UNC5A: variants seen among roughly 807,000 people sequenced by gnomAD.
UNC5A encodes unc-5 netrin receptor A.
UNC5A carries 20 observed loss-of-function variants against 87.4 expected under a neutral mutation model. That is an observed-to-expected ratio of 0.23 (90% confidence interval 0.16 to 0.33). UNC5A has a LOEUF of 0.33. UNC5A is among the 10% of genes least tolerant of loss of function. The pLI, the probability that UNC5A is intolerant of heterozygous loss-of-function variation, is 1.00. For missense variants in UNC5A, 844 were observed against 1,133.4 expected (o/e 0.74, Z 3.67); for synonymous variants, 438 against 482.3 (o/e 0.91, Z 1.20).
At position 176,844,075 on chromosome 5, in the gene UNC5A, C is replaced by G. The variant is rs690781; in HGVS notation, c.71-18549C>G. On this transcript the variant is annotated intron_variant, in intron 1 of 14. Transcript: ENST00000329542. The surrounding 1 kb of genome is among the most constrained non-coding windows in gnomAD (Gnocchi z 4.2). The stretch of plus-strand genomic sequence containing the variant: ...GACAGGAGGCAGGGGACGGGGAGGA[C>G]GAGGAGGAGGGGCCCTGAGACATGG... 0.17 allele frequency among the ~76,000 whole-genome samples: 26,537 copies of G among 152,086 alleles called. 6,246 individuals carry two copies. Among genetic ancestry groups the G allele is most frequent in the African/African-American group, 0.54 (22,444 of 41,444 alleles).
intron 2 of UNC5A, among the ~76,000 whole-genome samples, chr5:176,867,598 G>A (rs1331960133): frequency 6.6e-6 from 1 of 152,194 alleles, no homozygotes; most frequent in Non-Finnish European, 1.5e-5. Context: ...AAGTCCCAGG[G>A]CGCTAGCATC....
chr5:176,813,600 A>G (rs905063288), intron 1 of UNC5A, among the ~76,000 whole-genome samples: 6 of 151,922 alleles, frequency 3.9e-5, no homozygotes, highest in African/African-American at 1.5e-4. Flanking sequence ...CTGTGTTGGG[A>G]GGGGGGGCTT....
At chr5:176,840,886 C>T (rs1561649682) in intron 1 of UNC5A, among the ~76,000 whole-genome samples, 1 of 152,234 alleles carries the variant, frequency 6.6e-6, no homozygotes, top group Non-Finnish European at 1.5e-5. Context: ...TATGGGTCCC[C>T]CCACAACGCT....
In UNC5A at chr5:176,862,766, G is replaced by A. The variant is rs748167811; in HGVS notation, c.213G>A (p.Thr71=). 3.7e-6 allele frequency: 6 copies of A among 1,613,406 alleles called. No homozygotes were observed. The highest frequency in any genetic ancestry group is 1.7e-5 in the Admixed American group (1 of 59,990). The change falls in exon 2 of 15, where the codon ACG becomes ACA. Residue 71 remains threonine (T), a synonymous_variant. Transcript: ENST00000329542. ...TTGTGTGCAAGGCCGTGCCCGCCAC[G>A]CAGATCTTCTTCAAGTGCAACGGGG... The part of the protein sequence containing the change: ...VLLVCKAVPA[T]QIFFKCNGEW...
Position 176,848,595 on chromosome 5 carries a change from G to A in UNC5A, c.71-14029G>A, listed in dbSNP as rs947784603. Among the ~76,000 whole-genome samples, 10 of 152,168 alleles carry A rather than the reference G, an allele frequency of 6.6e-5. No individual in the cohort carries two copies. Among genetic ancestry groups the A allele is most frequent in the African/African-American group, 2.4e-4 (10 of 41,432 alleles). On this transcript the variant is annotated intron_variant, in intron 1 of 14. Coordinates refer to ENST00000329542, the MANE Select transcript of UNC5A (RefSeq NM_133369.3). The surrounding 1 kb of genome is among the most constrained non-coding windows in gnomAD (Gnocchi z 5.8). The stretch of plus-strand genomic sequence containing the variant: ...ATCAGGGGTGTGATGGGAGCGGCCA[G>A]ACACCCTATTCCCAGATGGAAGGTG...
chr5:176,877,297 G>T lies in UNC5A; in HGVS notation c.1466+18G>T. 9 of 1,604,016 alleles carry T rather than the reference G, an allele frequency of 5.6e-6. No individual in the cohort carries two copies. The highest frequency in any genetic ancestry group is 7.7e-6 in the Non-Finnish European group (9 of 1,173,454). ...GACGTGAGGTGTGGCCGCGGGCCCT[G>T]TTGCCGGGGGTGGGAGGGACCTGCC... On this transcript the variant is annotated intron_variant, in intron 9 of 14. Coordinates refer to ENST00000329542, the MANE Select transcript of UNC5A (RefSeq NM_133369.3).
intron 6 of UNC5A, among the ~76,000 whole-genome samples, chr5:176,873,411 C>T (rs1489844077): frequency 6.6e-6 from 1 of 152,164 alleles, no homozygotes; most frequent in Non-Finnish European, 1.5e-5. Flanking sequence ...GACATTTCTT[C>T]CATTTATGCA....
At chr5:176,878,207 G>A (rs1005199087) in intron 11 of UNC5A, 37 bp from the exon 12 acceptor site, 1 of 1,604,582 alleles carries the variant, frequency 6.2e-7, no homozygotes, top group African/African-American at 1.3e-5. Flanking sequence ...TGGGCGCAGT[G>A]GGGAGGGGCC....
In UNC5A at chr5:176,813,402, A is replaced by G. The variant is rs531989417; in HGVS notation, c.70+2582A>G. Among the ~76,000 whole-genome samples the G allele has an allele frequency of 1.2e-4, 18 of 152,302 alleles. No individual in the cohort carries two copies. In the East Asian group the frequency reaches 1.7e-3, roughly 15 times the overall value. ...CCATCCCCATACTTAGGGCTAACCT[A>G]GGACTCGTCTGTCCACCCCGACACT... is the stretch of plus-strand genomic sequence containing the variant. On this transcript the variant is annotated intron_variant, in intron 1 of 14. Coordinates refer to ENST00000329542, the MANE Select transcript of UNC5A (RefSeq NM_133369.3).
rs1757949152 is a variant in UNC5A at position 176,865,383 on chromosome 5, C to T, written c.292+2538C>T. On this transcript the variant is annotated intron_variant, in intron 2 of 14. Transcript: ENST00000329542. This position sits in a 1 kb window ranked among gnomAD's most constrained non-coding sequence, Gnocchi z 5.3. The stretch of plus-strand genomic sequence containing the variant: ...CCAGACCCTTGCCTGAATGAGCAGT[C>T]GCAGGCCCGGGCCGGCACACACACC... The T allele has an allele frequency of 8.5e-6, 3 of 351,434 alleles. No homozygotes were observed. Among genetic ancestry groups the T allele is most frequent in the South Asian group, 2.1e-5 (1 of 47,146 alleles). The allele number at this position is 351,434 out of a possible 1,614,324, so 21.8% of individuals were successfully genotyped here. A position where few individuals can be genotyped will look rare whatever the true frequency, so the allele number is the denominator to read the frequency against.
At chr5:176,864,279 G>C (rs1757918027) in intron 2 of UNC5A, among the ~76,000 whole-genome samples, 1 of 152,212 alleles carries the variant, frequency 6.6e-6, no homozygotes, top group Admixed American at 6.5e-5. Context: ...GGGTGGCTCG[G>C]GTATGGAGCG....
chr5:176,829,131 CAA>C (rs70991572), intron 1 of UNC5A, among the ~76,000 whole-genome samples: 94 of 89,214 alleles, frequency 1.1e-3, no homozygotes, highest in Non-Finnish European at 1.2e-3. Flanking sequence ...GACTCCATCT[CAA>C]AAAAAAAAAA....
intron 1 of UNC5A, among the ~76,000 whole-genome samples, chr5:176,850,937 G>A (rs1357605548): frequency 6.6e-6 from 1 of 151,960 alleles, no homozygotes; most frequent in Non-Finnish European, 1.5e-5. Context: ...ACTTCCCAGT[G>A]CTCCCAGGAC....
Position 176,874,002 on chromosome 5 carries a change from G to A in UNC5A, c.921G>A (p.Val307=). 3 of 1,613,856 alleles carry A rather than the reference G, an allele frequency of 1.9e-6. No homozygotes were observed. Among genetic ancestry groups the A allele is most frequent in the Non-Finnish European group, 2.5e-6 (3 of 1,179,942 alleles). Residue 307 remains valine (V), a synonymous_variant, in exon 7 of 15, where the codon GTG becomes GTA. Coordinates refer to ENST00000329542, the MANE Select transcript of UNC5A (RefSeq NM_133369.3). The surrounding 1 kb of genome is among the most constrained non-coding windows in gnomAD (Gnocchi z 7.6). ...ASGPEDVALY[V]GLIAVAVCLV... Reference sequence around the variant, plus strand: ...GCCCTGAGGACGTGGCCCTCTATGTGGGCCTCATCGCCGTGGCCGTCTGCC... The same window carrying A: ...GCCCTGAGGACGTGGCCCTCTATGTAGGCCTCATCGCCGTGGCCGTCTGCC...
rs10072724 is a variant in UNC5A at position 176,870,603 on chromosome 5, G to C, written c.886+69G>C. The C allele has an allele frequency of 8.8e-3, 13,037 of 1,480,368 alleles. 958 individuals carry two copies. In the African/African-American group the frequency reaches 0.16, roughly 18 times the overall value. The allele number at this position is 1,480,368 out of a possible 1,614,324, so 91.7% of individuals were successfully genotyped here. ...TGGCCTTGCCCAGCCCTGGGGAGGT[G>C]GGGGCTGAGGGAGCTATTCTCCTGC... On this transcript the variant is annotated intron_variant, in intron 6 of 14. Coordinates refer to ENST00000329542, the MANE Select transcript of UNC5A (RefSeq NM_133369.3).
chr5:176,873,933 C>T, intron 6 of UNC5A, 35 bp from the exon 7 acceptor site: 1 of 1,602,230 alleles, frequency 6.2e-7, no homozygotes, highest in Non-Finnish European at 8.5e-7. Context: ...ACTCCTACAC[C>T]CCTGCCCCCA....
intron 13 of UNC5A, 105 bp downstream of exon 13, chr5:176,878,744 T>C: frequency 2.1e-6 from 3 of 1,418,208 alleles, no homozygotes; most frequent in Admixed American, 2.2e-5. Context: ...CCACTCTCCC[T>C]CCCGCCTGTC....
At chr5:176,823,969 GTGGGACTGT>G (rs1296910086) in intron 1 of UNC5A, among the ~76,000 whole-genome samples, 1 of 152,208 alleles carries the variant, frequency 6.6e-6, no homozygotes, top group East Asian at 1.9e-4. Flanking sequence ...TGGGGCCCTG[GTGGGACTGT>G]CAGTTATGAG....
intron 1 of UNC5A, among the ~76,000 whole-genome samples, chr5:176,851,154 C>T (rs1409828815): frequency 2.0e-5 from 3 of 152,242 alleles, no homozygotes; most frequent in African/African-American, 4.8e-5. Flanking sequence ...AGGAACCCAT[C>T]GCTCTCGACT....
Sources: gnomAD v4.1 joint callset for allele counts (sites outside exome capture counted in the v4.1 genomes callset) on GRCh38, gnomAD v4.1.1 for gene constraint, Gnocchi (gnomAD v3.1) non-coding constraint, MANE v1.5 for transcripts, NCBI Gene and HGNC (gene_info 2026-07-23, HGNC 2026-07-21) for gene names.